The following ACER3 variants were observed in gnomAD, a reference collection of about 807,000 sequenced individuals.
The protein encoded by ACER3 is alkaline ceramidase 3.
Under a neutral mutation model 48.9 loss-of-function variants are expected in ACER3, and 16 were observed. The observed-to-expected ratio is 0.33, with a 90% CI of 0.22 to 0.50. The LOEUF is 0.50. Ranked by LOEUF, ACER3 falls within the 20% of genes least tolerant of loss-of-function variation. The probability of loss-of-function intolerance (pLI) is 0.98; values close to 1 mark genes in which losing one functional copy is unlikely to be tolerated. For missense variants in ACER3, 227 were observed against 326.0 expected (o/e 0.70, Z 2.34); for synonymous variants, 109 against 107.8 (o/e 1.01, Z -0.07).
At chr11:76,973,373 G>C (rs796788850) in intron 3 of ACER3, among the ~76,000 whole-genome samples, 5 of 152,190 alleles carry the variant, frequency 3.3e-5, no homozygotes, top group East Asian at 1.9e-4. Context: ...TGCTGGGACT[G>C]CTGCAGTAGC....
chr11:76,961,694 G>C (rs1947998660), intron 3 of ACER3, among the ~76,000 whole-genome samples: 1 of 150,896 alleles, frequency 6.6e-6, no homozygotes, highest in African/African-American at 2.4e-5. Flanking sequence ...GGGGCAATTT[G>C]AGCATCAAAA....
In ACER3 at chr11:76,927,733, G is replaced by C. The variant is rs555033630; in HGVS notation, c.214+1066G>C. ...TGTTTGGTTTTTTGGCCTTGCGATAGTTTGCTGAGAATGATGGTTTCCAAC... is the reference window on the plus strand; with the variant it reads ...TGTTTGGTTTTTTGGCCTTGCGATACTTTGCTGAGAATGATGGTTTCCAAC... On this transcript the variant is annotated intron_variant, in intron 2 of 10. Transcript: ENST00000532485. 2.0e-5 allele frequency among the ~76,000 whole-genome samples: 3 copies of C among 152,110 alleles called. No homozygotes were observed. The East Asian group carries it at 5.8e-4, about 29-fold the overall frequency.
intron 3 of ACER3, among the ~76,000 whole-genome samples, chr11:76,970,317 A>G (rs1345534074): frequency 1.3e-5 from 2 of 152,232 alleles, no homozygotes; most frequent in Non-Finnish European, 2.9e-5. Context: ...AATAGGCTGC[A>G]GTGACAAGAA....
At chr11:76,880,538 ATGT>A (rs1945496768) in intron 1 of ACER3, among the ~76,000 whole-genome samples, 1 of 152,128 alleles carries the variant, frequency 6.6e-6, no homozygotes, top group Admixed American at 6.5e-5. Context: ...CGGAAGCCCC[ATGT>A]TGTTTTACTT....
At chr11:76,902,317 G>A (rs566856341) in intron 1 of ACER3, among the ~76,000 whole-genome samples, 4 of 151,960 alleles carry the variant, frequency 2.6e-5, no homozygotes, top group East Asian at 3.9e-4. Context: ...GCTTTTTCTC[G>A]AATCACATGA....
Position 77,023,075 on chromosome 11 carries a change from A to G in ACER3, c.*2748A>G, listed in dbSNP as rs533148506. The G allele has an allele frequency of 5.0e-6, 2 of 398,200 alleles. No homozygotes were observed. Among genetic ancestry groups the G allele is most frequent in the African/African-American group, 4.1e-5 (2 of 48,618 alleles). The allele number at this position is 398,200 out of a possible 1,614,324, so 24.7% of individuals were successfully genotyped here. ...TTGTCACTCTGCCTGCCCACTACCT[A>G]CTCCCCACCATGGTGTTTCATGAAA... On this transcript the variant is annotated 3_prime_UTR_variant, in exon 11 of 11. Coordinates refer to ENST00000532485, the MANE Select transcript of ACER3 (RefSeq NM_018367.7).
chr11:76,976,874 A>G (rs1448636452), intron 4 of ACER3, among the ~76,000 whole-genome samples: 1 of 152,226 alleles, frequency 6.6e-6, no homozygotes, highest in East Asian at 1.9e-4. Context: ...AACAGCTTAC[A>G]GGCCATTCCC....
intron 1 of ACER3, among the ~76,000 whole-genome samples, chr11:76,871,212 A>G (rs1945233304): frequency 6.6e-6 from 1 of 152,238 alleles, no homozygotes; most frequent in African/African-American, 2.4e-5. Context: ...TACTTACAAT[A>G]AAATGCATCT....
In ACER3 at chr11:76,985,781, T is replaced by C. The variant is rs1948675257; in HGVS notation, c.402+57T>C. ...CATGTAAATTCACCATTTATGGAGT[T>C]TGACATATTTTACTTCCAGTATTTG... On this transcript the variant is annotated intron_variant, in intron 5 of 10. Coordinates refer to ENST00000532485, the MANE Select transcript of ACER3 (RefSeq NM_018367.7). 4 of 1,058,478 alleles carry C rather than the reference T, an allele frequency of 3.8e-6. No homozygotes were observed. The East Asian group carries it at 8.4e-5, about 22-fold the overall frequency. 65.6% of individuals were successfully genotyped at this position (1,058,478 alleles called of 1,614,324 possible).
intron 1 of ACER3, among the ~76,000 whole-genome samples, chr11:76,864,580 A>C (rs1035470357): frequency 6.8e-6 from 1 of 147,912 alleles, no homozygotes; most frequent in African/African-American, 2.5e-5. Flanking sequence ...CACATAACTC[A>C]TAATATGGAA....
At chr11:76,913,735 A>G (rs1433550886) in intron 1 of ACER3, among the ~76,000 whole-genome samples, 4 of 152,200 alleles carry the variant, frequency 2.6e-5, no homozygotes, top group Non-Finnish European at 5.9e-5. Context: ...AAGAGCCCAC[A>G]TTGCCAAGTG....
intron 1 of ACER3, among the ~76,000 whole-genome samples, chr11:76,906,844 A>T (rs541660545): frequency 4.3e-4 from 66 of 152,328 alleles, no homozygotes; most frequent in Admixed American, 1.2e-3. Flanking sequence ...TATAGGCATG[A>T]GCCGCCATGC....
chr11:76,977,892 C>T (rs988526065), intron 4 of ACER3, among the ~76,000 whole-genome samples: 7 of 152,214 alleles, frequency 4.6e-5, no homozygotes, highest in African/African-American at 7.2e-5. Flanking sequence ...GGCTTCTCTC[C>T]GCTCCCAGCT....
chr11:76,980,090 A>AT (rs1461829727), intron 4 of ACER3, among the ~76,000 whole-genome samples: 1 of 152,050 alleles, frequency 6.6e-6, no homozygotes, highest in East Asian at 1.9e-4. Flanking sequence ...GTGAACCATG[A>AT]TTGTGCCACT....
intron 1 of ACER3, among the ~76,000 whole-genome samples, chr11:76,910,736 G>C (rs1946357219): frequency 1.3e-5 from 2 of 152,086 alleles, no homozygotes; most frequent in African/African-American, 4.8e-5. Flanking sequence ...ACATTATATT[G>C]TTCAATGTTA....
intron 4 of ACER3, among the ~76,000 whole-genome samples, chr11:76,985,153 G>A (rs2135197786): frequency 6.6e-6 from 1 of 152,200 alleles, no homozygotes; most frequent in Admixed American, 6.5e-5. Context: ...CTTTTTTGGA[G>A]ACAGGGTCTT....
chr11:76,861,971 C>T (rs1347543229), intron 1 of ACER3, among the ~76,000 whole-genome samples: 1 of 152,290 alleles, frequency 6.6e-6, no homozygotes, highest in East Asian at 1.9e-4. Flanking sequence ...TTTTCCTAGA[C>T]GATTTTTCCT....
intron 1 of ACER3, among the ~76,000 whole-genome samples, chr11:76,904,794 GTTC>G (rs1439004984): frequency 1.3e-5 from 2 of 151,898 alleles, no homozygotes; most frequent in African/African-American, 2.4e-5. Context: ...TCATGGAAAA[GTTC>G]TTCTTAACCA....
chr11:76,892,880 G>A (rs1364142600), intron 1 of ACER3, among the ~76,000 whole-genome samples: 1 of 152,226 alleles, frequency 6.6e-6, no homozygotes, highest in African/African-American at 2.4e-5. Context: ...AATTGTCCCT[G>A]TTTGTGGATG....
Sources: allele counts gnomAD v4.1 joint callset (sites outside exome capture counted in the v4.1 genomes callset), GRCh38; gene constraint gnomAD v4.1.1; transcripts MANE v1.5; gene names NCBI Gene and HGNC (gene_info 2026-07-23, HGNC 2026-07-21).